SYCP2: variants seen among roughly 807,000 people sequenced by gnomAD.
SYCP2 encodes the protein synaptonemal complex protein 2, also known as synaptonemal complex lateral element protein.
SYCP2 carries 55 observed loss-of-function variants against 211.3 expected under a neutral mutation model. That is an observed-to-expected ratio of 0.26 (90% CI 0.21 to 0.33). The LOEUF is 0.33. Among genes scored for constraint, SYCP2 ranks in the 10% least tolerant of loss-of-function variants. The pLI, the probability that SYCP2 is intolerant of heterozygous loss-of-function variation, is 1.00. For synonymous variants in SYCP2, 570 were observed against 555.2 expected (o/e 1.03, Z -0.37); for missense variants, 1,731 against 1,752.0 (o/e 0.99, Z 0.21).
At chr20:59,914,515 C>T (rs1312316348) in intron 10 of SYCP2, among the ~76,000 whole-genome samples, 1 of 151,872 alleles carries the variant, frequency 6.6e-6, no homozygotes, top group Non-Finnish European at 1.5e-5. Flanking sequence ...AAAGACACTG[C>T]CATTTCATTA....
rs1427287879 is a variant in SYCP2 at position 59,873,785 on chromosome 20, A to T, written c.3555+71T>A. 3.8e-5 allele frequency: 50 copies of T among 1,324,886 alleles called. No individual in the cohort carries two copies. In the East Asian group the frequency reaches 1.2e-3, roughly 30 times the overall value. The allele number at this position is 1,324,886 out of a possible 1,614,324, so 82.1% of individuals were successfully genotyped here. A position where few individuals can be genotyped will look rare whatever the true frequency, so the allele number is the denominator to read the frequency against. ...TAGACAAGCAATGTGTATCTGATTAAGATGATAGGGAAAATAACTTACTAC... is the reference window on the plus strand; with the variant it reads ...TAGACAAGCAATGTGTATCTGATTATGATGATAGGGAAAATAACTTACTAC... On this transcript the variant is annotated intron_variant, in intron 35 of 44. Transcript: ENST00000357552.
chr20:59,870,447 T>G lies in SYCP2; in HGVS notation c.3556-464A>C, dbSNP rs2059429572. Among the ~76,000 whole-genome samples, 3 of 151,832 alleles carry G rather than the reference T, an allele frequency of 2.0e-5. 1 individual carries two copies. The highest frequency in any genetic ancestry group is 2.0e-4 in the Admixed American group (3 of 15,184). On this transcript the variant is annotated intron_variant, in intron 35 of 44. Coordinates refer to ENST00000357552, the MANE Select transcript of SYCP2 (RefSeq NM_014258.4). Reference sequence around the variant, plus strand: ...AATGTAATTTTTAAAAAAAGTCTTTTTTTTAATACAGCAAAAAGAAGACCC... The same window carrying G: ...AATGTAATTTTTAAAAAAAGTCTTTGTTTTAATACAGCAAAAAGAAGACCC...
rs771054332 is a variant in SYCP2, at chr20:59,867,756, A to G, written c.4080T>C (p.Tyr1360=). The part of the protein sequence containing the change: ...QNEFAGIEMT[Y]ETYERLNSEF... Reference sequence around the variant, plus strand: ...CTGAATTGAGCCTCTCGTAAGTCTCATAAGTCATCTCTATCCCTGCAAATT... The same window carrying G: ...CTGAATTGAGCCTCTCGTAAGTCTCGTAAGTCATCTCTATCCCTGCAAATT... The change falls in exon 39 of 45, where the codon TAT becomes TAC. Residue 1360 remains tyrosine, a synonymous_variant. Transcript: ENST00000357552. The G allele has an allele frequency of 9.9e-6, 16 of 1,610,274 alleles. No individual in the cohort carries two copies. Among genetic ancestry groups the G allele is most frequent in the African/African-American group, 5.4e-5 (4 of 74,702 alleles).
intron 3 of SYCP2, 100 bp downstream of exon 3, chr20:59,922,290 A>C: frequency 9.4e-7 from 1 of 1,064,796 alleles, no homozygotes; most frequent in Non-Finnish European, 1.3e-6. Flanking sequence ...AAAAACATGT[A>C]AGCTTTATCA....
intron 12 of SYCP2, among the ~76,000 whole-genome samples, chr20:59,913,084 C>T (rs142606328): frequency 5.3e-4 from 81 of 152,264 alleles, no homozygotes; most frequent in African/African-American, 1.9e-3. Context: ...AGTTTCCTAA[C>T]TTAGCTTATT....
rs61730335 is a variant in SYCP2, at chr20:59,896,489, T to A, written c.1444A>T (p.Met482Leu). 4 of 1,610,938 alleles carry A rather than the reference T, an allele frequency of 2.5e-6. No individual in the cohort carries two copies. Among genetic ancestry groups the A allele is most frequent in the Non-Finnish European group, 3.4e-6 (4 of 1,178,120 alleles). Reference protein sequence around the residue: ...PSKRKMSEASMIVSGADRYTM... With the variant: ...PSKRKMSEASLIVSGADRYTM... Reference sequence around the variant, plus strand: ...TATCTATCTGCACCAGAAACAATCATTGATGCTTCAGACATTTTTCTTTTG... The same window carrying A: ...TATCTATCTGCACCAGAAACAATCAATGATGCTTCAGACATTTTTCTTTTG... Residue 482 changes from methionine (M) to leucine (L), a missense_variant, in exon 19 of 45, where the codon ATG (methionine) becomes TTG (leucine). This residue lies in a region of SYCP2 where 1,387 missense variants were observed against 1,351.3 expected (regional missense o/e 1.03). Transcript: ENST00000357552.
intron 15 of SYCP2, among the ~76,000 whole-genome samples, chr20:59,905,963 A>C (rs763802498): frequency 6.6e-6 from 1 of 152,130 alleles, no homozygotes; most frequent in Non-Finnish European, 1.5e-5. Context: ...AGATCCCATG[A>C]CTGGTAAAAT....
At chr20:59,880,901 T>A (rs1462275948) in intron 30 of SYCP2, 65 bp downstream of exon 30, 4 of 760,222 alleles carry the variant, frequency 5.3e-6, no homozygotes, top group Admixed American at 3.5e-5. Flanking sequence ...TTTTTGATAA[T>A]CTTTAACATT....
At chr20:59,874,106 T>C in intron 34 of SYCP2, 45 bp from the exon 35 acceptor site, 1 of 1,023,312 alleles carries the variant, frequency 9.8e-7, no homozygotes, top group Non-Finnish European at 1.4e-6. Flanking sequence ...GCAAGCGTTA[T>C]CATTGATGTC....
chr20:59,893,744 G>A (rs181656220), intron 20 of SYCP2, 151 bp from the exon 21 acceptor site: 56 of 526,654 alleles, frequency 1.1e-4, no homozygotes, highest in Admixed American at 7.7e-4. Context: ...CGTTATGCCC[G>A]TTTTTGAATA....
At chr20:59,873,588 A>C (rs1466967812) in intron 35 of SYCP2, among the ~76,000 whole-genome samples, 1 of 152,142 alleles carries the variant, frequency 6.6e-6, no homozygotes, top group African/African-American at 2.4e-5. Context: ...GAAACCTCAA[A>C]AAGTGAAACC....
intron 30 of SYCP2, among the ~76,000 whole-genome samples, 193 bp downstream of exon 30, chr20:59,880,773 T>C (rs1247666108): frequency 1.3e-5 from 2 of 151,734 alleles, no homozygotes; most frequent in East Asian, 3.9e-4. Context: ...TTAAAAAAAC[T>C]AAACGTGGCA....
chr20:59,876,510 G>A (rs2059564186), intron 33 of SYCP2, among the ~76,000 whole-genome samples: 1 of 145,320 alleles, frequency 6.9e-6, no homozygotes. Flanking sequence ...AGTTTATGAT[G>A]TCAAATCAGC....
chr20:59,874,938 C>A (rs1489048550), intron 34 of SYCP2, among the ~76,000 whole-genome samples: 3 of 151,726 alleles, frequency 2.0e-5, no homozygotes, highest in Non-Finnish European at 2.9e-5. Flanking sequence ...TCCAAAAATT[C>A]TCATGTTATT....
intron 2 of SYCP2, among the ~76,000 whole-genome samples, chr20:59,930,154 CTCTA>C (rs375845251): frequency 2.6e-5 from 4 of 152,288 alleles, no homozygotes; most frequent in East Asian, 3.9e-4. Context: ...ATTCTCATAA[CTCTA>C]TCTTTCAGGC....
rs760914773 is a variant in SYCP2, at chr20:59,882,182, A to T, written c.2530-17T>A. On this transcript the variant is annotated splice_polypyrimidine_tract_variant and intron_variant, in intron 26 of 44. Coordinates refer to ENST00000357552, the MANE Select transcript of SYCP2 (RefSeq NM_014258.4). ...AACTTTTTCCTGAAAAGAGGGTTAT[A>T]AAAAAATCATTAAATGGCTAACAGG... 1 of 1,579,516 alleles carries T rather than the reference A, an allele frequency of 6.3e-7. No individual in the cohort carries two copies. The highest frequency in any genetic ancestry group is 8.7e-7 in the Non-Finnish European group (1 of 1,151,714).
chr20:59,913,001 G>A (rs1225645951), intron 12 of SYCP2, among the ~76,000 whole-genome samples: 2 of 152,118 alleles, frequency 1.3e-5, no homozygotes, highest in East Asian at 1.9e-4. Flanking sequence ...TTTTTTAAAT[G>A]TCTCAGTCTC....
chr20:59,930,111 C>T (rs2060708697), intron 2 of SYCP2, among the ~76,000 whole-genome samples: 1 of 152,114 alleles, frequency 6.6e-6, no homozygotes, highest in Non-Finnish European at 1.5e-5. Context: ...CAGCCCTACC[C>T]CCAGAAAGTC....
intron 12 of SYCP2, 27 bp from the exon 13 acceptor site, chr20:59,912,445 A>T: frequency 1.1e-6 from 1 of 889,936 alleles, no homozygotes. Flanking sequence ...TTTAAGAAAA[A>T]AATAAATAAG....
Sources: gnomAD v4.1 joint callset for allele counts (sites outside exome capture counted in the v4.1 genomes callset) on GRCh38, gnomAD v4.1.1 for gene constraint, gnomAD v4.1.1 regional missense constraint, MANE v1.5 for transcripts, NCBI Gene and HGNC (gene_info 2026-07-23, HGNC 2026-07-21) for gene names.